The following NOX3 variants were observed in gnomAD, a reference collection of about 807,000 sequenced individuals.
The protein encoded by NOX3 is NADPH oxidase catalytic subunit-like 3.
NOX3 carries 74 observed loss-of-function variants against 76.7 expected under a neutral mutation model. The ratio of observed to expected loss-of-function variants is 0.96; its 90% CI spans 0.80 to 1.17. The LOEUF is 1.17. Among genes scored for constraint, NOX3 ranks in the 50% most tolerant of loss-of-function variants. The probability of loss-of-function intolerance (pLI) is 0.00; values close to 1 mark genes in which losing one functional copy is unlikely to be tolerated. For synonymous variants in NOX3, 263 were observed against 261.1 expected, an observed-to-expected ratio of 1.01 and a Z score of -0.07; for missense variants, 695 against 703.3, an observed-to-expected ratio of 0.99 and a Z score of 0.13.
chr6:155,412,465 G>A (rs908078624), intron 10 of NOX3, among the ~76,000 whole-genome samples: 14 of 152,324 alleles, frequency 9.2e-5, no homozygotes, highest in Admixed American at 9.1e-4. Context: ...TTATTTGTAA[G>A]AGTAAAAGAT....
chr6:155,399,457 T>C (rs373031238), intron 12 of NOX3, among the ~76,000 whole-genome samples: 1 of 152,178 alleles, frequency 6.6e-6, no homozygotes, highest in African/African-American at 2.4e-5. Context: ...GTCCACACTT[T>C]ACTCAGGGGC....
At chr6:155,455,412 A>G (rs1197669799) in intron 1 of NOX3, among the ~76,000 whole-genome samples, 1 of 152,242 alleles carries the variant, frequency 6.6e-6, no homozygotes, top group Non-Finnish European at 1.5e-5. Context: ...TGATGTCAAG[A>G]AGGAAGAAAT....
intron 8 of NOX3, among the ~76,000 whole-genome samples, chr6:155,430,137 G>C (rs992829718): frequency 6.6e-6 from 1 of 152,186 alleles, no homozygotes; most frequent in African/African-American, 2.4e-5. Flanking sequence ...CTAACGGAGA[G>C]TTTCTTCTTG....
At chr6:155,439,810 G>C (rs567208750) in intron 6 of NOX3, 146 bp downstream of exon 6, 1 of 543,976 alleles carries the variant, frequency 1.8e-6, no homozygotes, top group East Asian at 3.2e-5. Flanking sequence ...TACTGAAAAA[G>C]CGTTTGCCAC....
At chr6:155,442,615 G>T (rs1009762064) in intron 5 of NOX3, among the ~76,000 whole-genome samples, 2 of 152,236 alleles carry the variant, frequency 1.3e-5, no homozygotes, top group African/African-American at 2.4e-5. Context: ...AAAGAGGTAG[G>T]GGTGAATTAA....
At chr6:155,427,167 G>A (rs1217781012) in intron 9 of NOX3, among the ~76,000 whole-genome samples, 1 of 152,042 alleles carries the variant, frequency 6.6e-6, no homozygotes, top group Non-Finnish European at 1.5e-5. Context: ...AAATAGTCAT[G>A]TGTTCTCATC....
intron 12 of NOX3, among the ~76,000 whole-genome samples, chr6:155,403,920 AAAT>A (rs1224649467): frequency 6.6e-6 from 1 of 151,492 alleles, no homozygotes; most frequent in Admixed American, 6.6e-5. Context: ...GTGTAAAAAT[AAAT>A]AAATAAATAA....
intron 9 of NOX3, among the ~76,000 whole-genome samples, chr6:155,426,936 C>T (rs1482939356): frequency 1.5e-5 from 2 of 137,152 alleles, no homozygotes; most frequent in Non-Finnish European, 3.0e-5. Context: ...TTTGCCTTGG[C>T]GATGCCAAGG....
At chr6:155,413,223 A>T (rs1487251389) in intron 10 of NOX3, among the ~76,000 whole-genome samples, 1 of 152,160 alleles carries the variant, frequency 6.6e-6, no homozygotes, top group African/African-American at 2.4e-5. Flanking sequence ...TCAAATGCTT[A>T]GGTGGGAAGT....
chr6:155,425,050 C>CTCA (rs1776739708), intron 9 of NOX3, among the ~76,000 whole-genome samples: 1 of 152,210 alleles, frequency 6.6e-6, no homozygotes, highest in Admixed American at 6.5e-5. Flanking sequence ...CTGAGAGATG[C>CTCA]TCATATACCT....
At chr6:155,437,477 G>A (rs1388162764) in intron 6 of NOX3, among the ~76,000 whole-genome samples, 1 of 152,154 alleles carries the variant, frequency 6.6e-6, no homozygotes, top group Non-Finnish European at 1.5e-5. Flanking sequence ...GCAGTAATAC[G>A]CCCTTGGAAA....
chr6:155,433,404 G>A lies in NOX3; in HGVS notation c.799-2469C>T, dbSNP rs542672399. Among the ~76,000 whole-genome samples, 74 of 152,324 alleles carry A rather than the reference G, an allele frequency of 4.9e-4. 1 individual carries two copies. Among genetic ancestry groups the A allele is most frequent in the Middle Eastern group, 3.4e-3 (1 of 292 alleles). On this transcript the variant is annotated intron_variant, in intron 7 of 13. Transcript: ENST00000159060. The stretch of plus-strand genomic sequence containing the variant: ...AAGGAGGCCTTGATTCAGAGCAAGA[G>A]GGCCGTGTGTCAAAGTAGATGCTAG...
chr6:155,424,541 C>A (rs1776732518), intron 9 of NOX3, among the ~76,000 whole-genome samples: 1 of 152,166 alleles, frequency 6.6e-6, no homozygotes. Context: ...CGGAGGTTGG[C>A]CCATTTGAGC....
At position 155,429,058 on chromosome 6, in the gene NOX3, G is replaced by A. The variant is rs777083288; in HGVS notation, c.892-11C>T. ...GGGGTGGCTTACCACCTATGTGAGA[G>A]TGAGAGAGTTGTTTGCCTTTGTCCT... On this transcript the variant is annotated splice_polypyrimidine_tract_variant and intron_variant, in intron 8 of 13. Coordinates refer to ENST00000159060, the MANE Select transcript of NOX3 (RefSeq NM_015718.3). 5 of 1,544,280 alleles carry A rather than the reference G, an allele frequency of 3.2e-6. No homozygotes were observed. Among genetic ancestry groups the A allele is most frequent in the Admixed American group, 1.9e-5 (1 of 52,842 alleles).
intron 4 of NOX3, among the ~76,000 whole-genome samples, chr6:155,448,544 T>G (rs1260385938): frequency 6.6e-6 from 1 of 151,694 alleles, no homozygotes; most frequent in Middle Eastern, 3.2e-3. Context: ...CAAAGTACTT[T>G]TAAGAGAGCA....
intron 6 of NOX3, 115 bp from the exon 7 acceptor site, chr6:155,436,662 C>T (rs1481018832): frequency 6.7e-6 from 7 of 1,048,020 alleles, no homozygotes; most frequent in South Asian, 1.7e-5. Flanking sequence ...AATATCACTT[C>T]CAGTTCTTGA....
chr6:155,455,510 T>A (rs1455966401), intron 1 of NOX3, among the ~76,000 whole-genome samples: 1 of 152,204 alleles, frequency 6.6e-6, no homozygotes, highest in Non-Finnish European at 1.5e-5. Context: ...GAAACACTCA[T>A]ACATTATGCA....
intron 12 of NOX3, among the ~76,000 whole-genome samples, chr6:155,406,861 T>A (rs960549358): frequency 6.6e-6 from 1 of 152,222 alleles, no homozygotes; most frequent in African/African-American, 2.4e-5. Flanking sequence ...ACCAAAGATG[T>A]CTTGAAAGCA....
At chr6:155,411,387 G>A (rs747932907) in intron 10 of NOX3, 27 bp from the exon 11 acceptor site, 30 of 1,598,156 alleles carry the variant, frequency 1.9e-5, no homozygotes, top group Non-Finnish European at 2.5e-5. Flanking sequence ...CAAGTGAACG[G>A]ATCTATTCTC....
Sources: allele counts gnomAD v4.1 joint callset (sites outside exome capture counted in the v4.1 genomes callset), GRCh38; gene constraint gnomAD v4.1.1; transcripts MANE v1.5; gene names NCBI Gene and HGNC (gene_info 2026-07-23, HGNC 2026-07-21).